Variants in GRAMD1C observed in about 807,000 individuals in gnomAD.
GRAMD1C encodes the protein GRAM domain containing 1C, also known as protein Aster-C.
A neutral mutation model predicts 97.8 loss-of-function variants in GRAMD1C; 89 were observed. The ratio of observed to expected loss-of-function variants is 0.91; its 90% CI spans 0.77 to 1.09. The LOEUF (loss-of-function observed/expected upper bound fraction) is 1.09. Ranked by LOEUF, GRAMD1C falls within the 50% of genes least tolerant of loss-of-function variation. The pLI is 0.00. For missense variants in GRAMD1C, 740 were observed against 766.4 expected (o/e 0.97, Z 0.41); for synonymous variants, 256 against 267.0 (o/e 0.96, Z 0.40).
At position 113,876,262 on chromosome 3, in the gene GRAMD1C, T is replaced by C. The variant is rs769168097; in HGVS notation, c.459+2T>C. On this transcript the variant is annotated splice_donor_variant, in intron 5 of 17. Transcript: ENST00000358160. LOFTEE classifies it high-confidence loss of function. The stretch of plus-strand genomic sequence containing the variant: ...CAGATAGTTACAGAAAGTGAAAAGG[T>C]GAAAACTTTCCTATCTTTGTTATAT... 7 of 1,506,184 alleles carry C rather than the reference T, an allele frequency of 4.6e-6. No individual in the cohort carries two copies. In the Middle Eastern group the frequency reaches 8.5e-4, roughly 183 times the overall value. 93.3% of individuals were successfully genotyped at this position (1,506,184 alleles called of 1,614,324 possible). A position where few individuals can be genotyped will look rare whatever the true frequency, so the allele number is the denominator to read the frequency against.
chr3:113,889,701 C>T lies in GRAMD1C; in HGVS notation c.540+6869C>T, dbSNP rs143724538. On this transcript the variant is annotated intron_variant, in intron 6 of 17. Coordinates refer to ENST00000358160, the MANE Select transcript of GRAMD1C (RefSeq NM_017577.5). ...TGTTGCCCAGGCTAGAGTGCAATGG[C>T]GATCTCGGCTCACTGCAACCTCTGT... 8.2e-4 allele frequency among the ~76,000 whole-genome samples: 124 copies of T among 151,570 alleles called. No homozygotes were observed. In the East Asian group the frequency reaches 0.011, roughly 14 times the overall value.
chr3:113,838,815 C>G lies in GRAMD1C; in HGVS notation c.-95C>G. 1.1e-6 allele frequency: 1 copy of G among 908,432 alleles called. No homozygotes were observed. Among genetic ancestry groups the G allele is most frequent in the Non-Finnish European group, 1.4e-6 (1 of 695,914 alleles). 56.3% of individuals were successfully genotyped at this position (908,432 alleles called of 1,614,324 possible). ...TCGGAGGGCCGGCGGAGGAGGCGCG[C>G]GGAGCCTGTAACTCGCAGCGCGCGC... On this transcript the variant is annotated 5_prime_UTR_variant, in exon 1 of 18. Transcript: ENST00000358160.
chr3:113,904,087 AT>A (rs1316296187), intron 7 of GRAMD1C, 52 bp from the exon 8 acceptor site: 6 of 1,455,076 alleles, frequency 4.1e-6, no homozygotes, highest in Non-Finnish European at 3.8e-6. Context: ...AGACCAAATC[AT>A]TTATTTGTGT....
chr3:113,903,797 T>G (rs1287304282), intron 7 of GRAMD1C, among the ~76,000 whole-genome samples: 2 of 151,688 alleles, frequency 1.3e-5, no homozygotes, highest in Non-Finnish European at 2.9e-5. Context: ...CTCAAACATC[T>G]ACTCTGTACC....
intron 6 of GRAMD1C, among the ~76,000 whole-genome samples, chr3:113,892,622 G>A (rs770768051): frequency 6.6e-6 from 1 of 152,120 alleles, no homozygotes; most frequent in African/African-American, 2.4e-5. Flanking sequence ...ACAATCATTC[G>A]TGACATAATT....
At chr3:113,920,465 A>G (rs1024244369) in intron 10 of GRAMD1C, among the ~76,000 whole-genome samples, 3 of 152,236 alleles carry the variant, frequency 2.0e-5, no homozygotes, top group African/African-American at 7.2e-5. Context: ...TTTGATGATA[A>G]GCACTCAGAT....
At chr3:113,860,897 C>G (rs1934346008) in intron 2 of GRAMD1C, among the ~76,000 whole-genome samples, 1 of 150,446 alleles carries the variant, frequency 6.6e-6, no homozygotes, top group Non-Finnish European at 1.5e-5. Context: ...ACCCGGGAGG[C>G]AGAGGTTGCA....
chr3:113,890,920 AC>A, intron 6 of GRAMD1C: 1 of 529,628 alleles, frequency 1.9e-6, no homozygotes, highest in South Asian at 3.1e-5. Context: ...ACTGGAGGCC[AC>A]CCACCATAGC....
At chr3:113,862,263 AC>A (rs1559783218) in intron 2 of GRAMD1C, among the ~76,000 whole-genome samples, 1 of 152,130 alleles carries the variant, frequency 6.6e-6, no homozygotes, top group Non-Finnish European at 1.5e-5. Context: ...GCCACGGGAG[AC>A]TGGGGCTTAT....
chr3:113,915,966 C>T lies in GRAMD1C; in HGVS notation c.1090+128C>T, dbSNP rs1936796599. ...TAGACATGCTTTGCTTTTATGTTGA[C>T]AGTATATAAACTGGTATTCAAATGT... On this transcript the variant is annotated intron_variant, in intron 10 of 17. Coordinates refer to ENST00000358160, the MANE Select transcript of GRAMD1C (RefSeq NM_017577.5). The T allele has an allele frequency of 8.3e-6, 6 of 724,334 alleles. No homozygotes were observed. In the South Asian group the frequency reaches 1.0e-4, roughly 12 times the overall value. 44.9% of individuals were successfully genotyped at this position (724,334 alleles called of 1,614,324 possible).
In GRAMD1C at chr3:113,902,636, G is replaced by A. The variant is rs527583259; in HGVS notation, c.656+1490G>A. Among the ~76,000 whole-genome samples, 23 of 152,208 alleles carry A rather than the reference G, an allele frequency of 1.5e-4. No homozygotes were observed. In the Middle Eastern group the frequency reaches 0.017, roughly 113 times the overall value. On this transcript the variant is annotated intron_variant, in intron 7 of 17. Transcript: ENST00000358160. ...TGACTAGCTGCTGTTTTCTTCTGGC[G>A]ATTGAATGCTTTCTTTTTTTTCTTT... is the stretch of plus-strand genomic sequence containing the variant.
chr3:113,872,917 C>CA lies in GRAMD1C; in HGVS notation c.260-2549dup, dbSNP rs1173058062. 9.6e-3 allele frequency among the ~76,000 whole-genome samples: 621 copies of CA among 64,390 alleles called. 7 individuals are homozygous for CA. Among genetic ancestry groups the CA allele is most frequent in the East Asian group, 0.07 (188 of 2,702 alleles). 42.2% of individuals were successfully genotyped at this position (64,390 alleles called of 152,430 possible). The stretch of plus-strand genomic sequence containing the variant: ...TGAAACCCTGTGTCTACTAAAAATA[C>CA]AAAAAAAAAAAAAAAAAATTAGCCA... On this transcript the variant is annotated intron_variant, in intron 3 of 17. Transcript: ENST00000358160.
At chr3:113,924,092 T>G (rs1242412598) in intron 10 of GRAMD1C, among the ~76,000 whole-genome samples, 8 of 37,708 alleles carry the variant, frequency 2.1e-4, no homozygotes, top group South Asian at 5.1e-4. Flanking sequence ...GTCTCTGGGG[T>G]TTTTTTTTTT....
chr3:113,907,936 A>C (rs1004513494), intron 8 of GRAMD1C, among the ~76,000 whole-genome samples: 1 of 152,202 alleles, frequency 6.6e-6, no homozygotes. Context: ...ATAGTGTGGA[A>C]CTCCCAAATA....
intron 2 of GRAMD1C, among the ~76,000 whole-genome samples, chr3:113,864,405 C>T (rs371756430): frequency 2.8e-4 from 43 of 152,234 alleles, no homozygotes; most frequent in Admixed American, 1.0e-3. Flanking sequence ...TGAGCCACCG[C>T]GCCGGCCTAT....
At chr3:113,928,512 G>A (rs1937305229) in intron 10 of GRAMD1C, among the ~76,000 whole-genome samples, 1 of 152,146 alleles carries the variant, frequency 6.6e-6, no homozygotes, top group Non-Finnish European at 1.5e-5. Context: ...CCATTTTTAA[G>A]TGGACAGTTC....
chr3:113,919,339 A>G, intron 10 of GRAMD1C: 1 of 494,572 alleles, frequency 2.0e-6, no homozygotes, highest in South Asian at 1.5e-5. Flanking sequence ...GAAAAACACC[A>G]TCTCTTTATA....
At chr3:113,851,647 T>C (rs1015323540) in intron 2 of GRAMD1C, among the ~76,000 whole-genome samples, 2 of 151,112 alleles carry the variant, frequency 1.3e-5, no homozygotes, top group African/African-American at 4.9e-5. Context: ...GCCTCCTGAG[T>C]AGCTGGGACT....
chr3:113,885,594 G>A (rs1434026602), intron 6 of GRAMD1C: 2 of 1,537,316 alleles, frequency 1.3e-6, no homozygotes, highest in Non-Finnish European at 1.8e-6. Context: ...GGTGGTAATA[G>A]ACAAACATTC....
Sources: gnomAD v4.1 joint callset for allele counts (sites outside exome capture counted in the v4.1 genomes callset) on GRCh38, gnomAD v4.1.1 for gene constraint, MANE v1.5 for transcripts, NCBI Gene and HGNC (gene_info 2026-07-23, HGNC 2026-07-21) for gene names.